Variants in ITGA8 observed in about 807,000 individuals in gnomAD.
ITGA8 encodes the protein integrin subunit alpha 8.
Under a neutral mutation model 142.3 loss-of-function variants are expected in ITGA8, and 91 were observed. That is an observed-to-expected ratio of 0.64 (90% CI 0.54 to 0.76). The LOEUF is 0.76. Among genes scored for constraint, ITGA8 ranks in the 30% least tolerant of loss-of-function variants. The probability of loss-of-function intolerance (pLI) is 0.00; values close to 1 mark genes in which losing one functional copy is unlikely to be tolerated. For synonymous variants in ITGA8, 505 were observed against 485.2 expected, an observed-to-expected ratio of 1.04 and a Z score of -0.54; for missense variants, 1,406 against 1,327.7, an observed-to-expected ratio of 1.06 and a Z score of -0.92.
At chr10:15,679,131 GC>G in intron 4 of ITGA8, among the ~76,000 whole-genome samples, 1 of 151,992 alleles carries the variant, frequency 6.6e-6, no homozygotes, top group South Asian at 2.1e-4. Context: ...TCTCTCTTTT[GC>G]CCCCTCGTGC....
At chr10:15,631,771 C>T (rs897992887) in intron 13 of ITGA8, among the ~76,000 whole-genome samples, 2 of 150,100 alleles carry the variant, frequency 1.3e-5, no homozygotes, top group African/African-American at 2.5e-5. Flanking sequence ...ATTGATAGCA[C>T]ATTGGACTTC....
intron 27 of ITGA8, among the ~76,000 whole-genome samples, chr10:15,533,720 T>C (rs1833359084): frequency 1.3e-5 from 2 of 152,206 alleles, no homozygotes; most frequent in Admixed American, 1.3e-4. Context: ...GATGGAACGC[T>C]TTTCTCTTAC....
chr10:15,684,202 G>A, intron 3 of ITGA8, 75 bp from the exon 4 acceptor site: 6 of 1,470,000 alleles, frequency 4.1e-6, no homozygotes, highest in Non-Finnish European at 4.6e-6. Context: ...TGAATTATTG[G>A]TATAACAAAC....
chr10:15,594,505 G>C lies in ITGA8; in HGVS notation c.2212-2201C>G, dbSNP rs1312283156. On this transcript the variant is annotated intron_variant, in intron 21 of 29. Coordinates refer to ENST00000378076, the MANE Select transcript of ITGA8 (RefSeq NM_003638.3). ...CAATAAAAATTGCCAAAACAGGCTG[G>C]GCGTGAGGGTGGCTCACACCTTTAA... Among the ~76,000 whole-genome samples the C allele has an allele frequency of 2.0e-5, 3 of 152,182 alleles. No homozygotes were observed. In the East Asian group the frequency reaches 5.8e-4, roughly 30 times the overall value.
intron 26 of ITGA8, among the ~76,000 whole-genome samples, chr10:15,553,887 G>A (rs7899687): frequency 6.6e-6 from 1 of 151,766 alleles, no homozygotes; most frequent in Admixed American, 6.6e-5. Flanking sequence ...CAGCTACTCA[G>A]GAGGCTGAGG....
intron 22 of ITGA8, among the ~76,000 whole-genome samples, chr10:15,588,084 A>G (rs914538845): frequency 2.6e-5 from 4 of 152,080 alleles, no homozygotes; most frequent in African/African-American, 4.8e-5. Context: ...TTCATCATCA[A>G]ACCTCACTCT....
chr10:15,625,593 C>T (rs1421841285), intron 13 of ITGA8, among the ~76,000 whole-genome samples: 1 of 152,188 alleles, frequency 6.6e-6, no homozygotes, highest in Non-Finnish European at 1.5e-5. Flanking sequence ...CCTAGCCTGA[C>T]AGATAAACTC....
chr10:15,582,730 C>G (rs1378479867), intron 23 of ITGA8, among the ~76,000 whole-genome samples: 1 of 152,220 alleles, frequency 6.6e-6, no homozygotes, highest in East Asian at 1.9e-4. Flanking sequence ...CTCAGTGGAA[C>G]ACTATAGGCT....
intron 28 of ITGA8, among the ~76,000 whole-genome samples, chr10:15,530,629 C>A (rs1460471690): frequency 6.7e-6 from 1 of 148,738 alleles, no homozygotes; most frequent in African/African-American, 2.5e-5. Flanking sequence ...AATGAAGGTT[C>A]TTTGCATAGC....
rs115430039 is a variant in ITGA8 at position 15,609,006 on chromosome 10, A to G, written c.1554-716T>C. On this transcript the variant is annotated intron_variant, in intron 15 of 29. Coordinates refer to ENST00000378076, the MANE Select transcript of ITGA8 (RefSeq NM_003638.3). ...TCTCAAGCTAGGTGGGCACAATGAT[A>G]TAGGAATAAAGACAATCAAGAGAGG... Among the ~76,000 whole-genome samples the G allele has an allele frequency of 4.7e-3, 716 of 152,208 alleles. 3 individuals are homozygous for G. Among genetic ancestry groups the G allele is most frequent in the African/African-American group, 0.015 (641 of 41,542 alleles).
chr10:15,694,000 G>A (rs1016717384), intron 2 of ITGA8, among the ~76,000 whole-genome samples: 1 of 151,058 alleles, frequency 6.6e-6, no homozygotes, highest in Admixed American at 6.6e-5. Flanking sequence ...GGATGTTGAT[G>A]TTGTACTACA....
In ITGA8 at chr10:15,633,151, C is replaced by T. The variant is rs534207224; in HGVS notation, c.1399+10879G>A. Among the ~76,000 whole-genome samples, 3 of 152,302 alleles carry T rather than the reference C, an allele frequency of 2.0e-5. No homozygotes were observed. In the South Asian group the frequency reaches 6.2e-4, roughly 32 times the overall value. ...TAATTGCTAAACATGCTATTCAAGG[C>T]TCTTTGTTAACTGTCCCCAGTCCAC... On this transcript the variant is annotated intron_variant, in intron 13 of 29. Coordinates refer to ENST00000378076, the MANE Select transcript of ITGA8 (RefSeq NM_003638.3).
At chr10:15,543,355 C>T (rs993581217) in intron 27 of ITGA8, among the ~76,000 whole-genome samples, 1 of 152,174 alleles carries the variant, frequency 6.6e-6, no homozygotes, top group African/African-American at 2.4e-5. Context: ...AGGCAGTTTT[C>T]ACATATGAAA....
rs773388812 is a variant in ITGA8 at position 15,657,811 on chromosome 10, G to A, written c.948+1188C>T. On this transcript the variant is annotated intron_variant, in intron 10 of 29. Coordinates refer to ENST00000378076, the MANE Select transcript of ITGA8 (RefSeq NM_003638.3). ...TCATATTTAGTTTAAAATTAAGTGC[G>A]TAGTTCTGTTTGTAAATAGTCACAT... Among the ~76,000 whole-genome samples the A allele has an allele frequency of 1.2e-4, 18 of 152,078 alleles. No homozygotes were observed. The South Asian group carries it at 1.2e-3, about 10-fold the overall frequency.
At chr10:15,641,611 C>G (rs1425484463) in intron 13 of ITGA8, among the ~76,000 whole-genome samples, 1 of 152,126 alleles carries the variant, frequency 6.6e-6, no homozygotes, top group Non-Finnish European at 1.5e-5. Context: ...GAACCCAGGT[C>G]TACCAAGATG....
chr10:15,667,251 A>G (rs1482939867), intron 8 of ITGA8, among the ~76,000 whole-genome samples: 1 of 151,882 alleles, frequency 6.6e-6, no homozygotes, highest in Non-Finnish European at 1.5e-5. Context: ...TCTTGGGATG[A>G]TGTATGTGTT....
intron 6 of ITGA8, among the ~76,000 whole-genome samples, chr10:15,675,587 A>G (rs1834612740): frequency 6.6e-6 from 1 of 152,182 alleles, no homozygotes; most frequent in Non-Finnish European, 1.5e-5. Flanking sequence ...CCTTGTAACT[A>G]CTTTGCTGAT....
At chr10:15,606,973 G>A (rs1833207427) in intron 17 of ITGA8, among the ~76,000 whole-genome samples, 2 of 152,114 alleles carry the variant, frequency 1.3e-5, no homozygotes, top group Admixed American at 1.3e-4. Flanking sequence ...CAAACAGCAA[G>A]CACTAAACAC....
intron 2 of ITGA8, among the ~76,000 whole-genome samples, chr10:15,696,562 A>G (rs1312473882): frequency 6.6e-6 from 1 of 152,196 alleles, no homozygotes; most frequent in Non-Finnish European, 1.5e-5. Flanking sequence ...TCACTTACCA[A>G]TCTGGCTCCA....
Sources: allele counts gnomAD v4.1 joint callset (sites outside exome capture counted in the v4.1 genomes callset), GRCh38; gene constraint gnomAD v4.1.1; transcripts MANE v1.5; gene names NCBI Gene and HGNC (gene_info 2026-07-23, HGNC 2026-07-21).